The following SETBP1 variants were observed in gnomAD, a reference collection of about 807,000 sequenced individuals.
SETBP1 encodes SET binding protein 1, also known as SET-binding protein.
A neutral mutation model predicts 101.0 loss-of-function variants in SETBP1; 9 were observed. The ratio of observed to expected loss-of-function variants is 0.09; its 90% CI spans 0.05 to 0.16. The LOEUF is 0.16. SETBP1 is among the 10% of genes least tolerant of loss of function. The probability of loss-of-function intolerance (pLI) is 1.00; values close to 1 mark genes in which losing one functional copy is unlikely to be tolerated. For synonymous variants in SETBP1, 818 were observed against 788.5 expected (o/e 1.04, Z -0.63); for missense variants, 1,858 against 2,033.8 (o/e 0.91, Z 1.66).
At chr18:44,958,917 C>G (rs2071551415) in intron 4 of SETBP1, among the ~76,000 whole-genome samples, 1 of 152,030 alleles carries the variant, frequency 6.6e-6, no homozygotes, top group Non-Finnish European at 1.5e-5. Flanking sequence ...AAGTTTCCTC[C>G]TAAGGTTTCC....
chr18:45,041,949 T>C (rs900939327), intron 5 of SETBP1, among the ~76,000 whole-genome samples: 15 of 151,330 alleles, frequency 9.9e-5, no homozygotes, highest in African/African-American at 3.6e-4. Flanking sequence ...AAAGCGAAAC[T>C]CTATCTCAAA....
chr18:44,964,970 G>T (rs1471373660), intron 4 of SETBP1, among the ~76,000 whole-genome samples: 2 of 152,134 alleles, frequency 1.3e-5, no homozygotes, highest in African/African-American at 4.8e-5. Context: ...GAGGAATTGG[G>T]CGTGAAAATC....
At chr18:44,793,922 A>T (rs1209324947) in intron 2 of SETBP1, among the ~76,000 whole-genome samples, 1 of 152,224 alleles carries the variant, frequency 6.6e-6, no homozygotes, top group East Asian at 1.9e-4. Flanking sequence ...TTAGTTCATG[A>T]TATACTTACA....
At chr18:44,955,489 A>T (rs1195102257) in intron 4 of SETBP1, among the ~76,000 whole-genome samples, 1 of 152,076 alleles carries the variant, frequency 6.6e-6, no homozygotes, top group East Asian at 1.9e-4. Context: ...GTTGGGCCAG[A>T]CCTCTTGTGT....
In SETBP1 at chr18:44,953,302, G is replaced by T. The variant is rs149638556; in HGVS notation, c.3962G>T (p.Arg1321Leu). Residue 1321 changes from arginine (R) to leucine (L), a missense_variant, in exon 4 of 6, where the codon CGC (arginine) becomes CTC (leucine). Around this residue, in one of 12 missense-constraint regions of SETBP1, gnomAD observed 417 missense variants for 389.1 expected, o/e 1.07. Coordinates refer to ENST00000649279, the MANE Select transcript of SETBP1 (RefSeq NM_015559.3). ...GACATCCAAGCCTTCAAGATGAACC[G>T]CAAGGAGAGAAGTTCTTATGACTCC... is the stretch of plus-strand genomic sequence containing the variant. ...EKDIQAFKMN[R>L]KERSSYDSSM... 1.1e-5 allele frequency: 18 copies of T among 1,613,876 alleles called. No individual in the cohort carries two copies. Among genetic ancestry groups the T allele is most frequent in the East Asian group, 6.7e-5 (3 of 44,896 alleles).
chr18:44,955,331 T>C (rs1353796798), intron 4 of SETBP1, among the ~76,000 whole-genome samples: 3 of 152,058 alleles, frequency 2.0e-5, no homozygotes, highest in Non-Finnish European at 2.9e-5. Flanking sequence ...TGGGAAGAAA[T>C]AGGTGTCATG....
chr18:44,921,225 A>G (rs1388063944), intron 3 of SETBP1, among the ~76,000 whole-genome samples: 1 of 152,260 alleles, frequency 6.6e-6, no homozygotes, highest in East Asian at 1.9e-4. Context: ...CTACAGTGTA[A>G]TAAATGATGC....
chr18:45,012,318 C>T (rs1246048671), intron 4 of SETBP1, among the ~76,000 whole-genome samples: 1 of 151,998 alleles, frequency 6.6e-6, no homozygotes, highest in Non-Finnish European at 1.5e-5. Context: ...GGGATGGAAT[C>T]GGGGAGGCTG....
chr18:44,737,085 C>T (rs2069985875), intron 2 of SETBP1, among the ~76,000 whole-genome samples: 1 of 152,208 alleles, frequency 6.6e-6, no homozygotes, highest in Admixed American at 6.5e-5. Flanking sequence ...GGTCTAAAAG[C>T]TCAGGATGAG....
chr18:44,865,703 G>A (rs1346123378), intron 2 of SETBP1, among the ~76,000 whole-genome samples: 1 of 152,086 alleles, frequency 6.6e-6, no homozygotes, highest in Non-Finnish European at 1.5e-5. Flanking sequence ...TTTGGTTAGA[G>A]CGTGGTTAGA....
chr18:44,868,560 T>A (rs2069179817), intron 2 of SETBP1, among the ~76,000 whole-genome samples: 1 of 151,856 alleles, frequency 6.6e-6, no homozygotes, highest in Non-Finnish European at 1.5e-5. Flanking sequence ...CCGGGCATGG[T>A]GGCAGGCATC....
chr18:44,820,846 G>A (rs2072097254), intron 2 of SETBP1, among the ~76,000 whole-genome samples: 1 of 152,202 alleles, frequency 6.6e-6, no homozygotes, highest in South Asian at 2.1e-4. Context: ...AGTTCAAGGA[G>A]CTCACAATTT....
At chr18:44,711,057 ATATT>A (rs1204715153) in intron 2 of SETBP1, among the ~76,000 whole-genome samples, 1 of 152,164 alleles carries the variant, frequency 6.6e-6, no homozygotes, top group Non-Finnish European at 1.5e-5. Context: ...GCTGAATTAT[ATATT>A]AACTGGTGGA....
At chr18:45,017,451 C>T (rs1189132364) in intron 4 of SETBP1, among the ~76,000 whole-genome samples, 1 of 152,230 alleles carries the variant, frequency 6.6e-6, no homozygotes, top group African/African-American at 2.4e-5. Flanking sequence ...CTCCAAAGTC[C>T]TGTGCCCACT....
chr18:44,951,724 C>T lies in SETBP1; in HGVS notation c.2384C>T (p.Thr795Ile). 6.2e-7 allele frequency: 1 copy of T among 1,614,202 alleles called. No individual in the cohort carries two copies. ...GSNGNLSPAS[T>I]ETNFSELKTM... ...AATGGCAACCTGAGCCCTGCCAGCA[C>T]TGAAACCAATTTTTCAGAGTTGAAA... The change falls in exon 4 of 6, where the codon ACT becomes ATT. Residue 795 changes from threonine to isoleucine, a missense_variant. Thr to Ile is a moderately conservative substitution (Grantham distance 89). Around this residue, in one of 12 missense-constraint regions of SETBP1, gnomAD observed 121 missense variants for 138.0 expected, o/e 0.88. Coordinates refer to ENST00000649279, the MANE Select transcript of SETBP1 (RefSeq NM_015559.3). This position sits in a 1 kb window ranked among gnomAD's most constrained non-coding sequence, Gnocchi z 7.8.
chr18:44,743,739 C>T (rs2070153007), intron 2 of SETBP1, among the ~76,000 whole-genome samples: 1 of 152,154 alleles, frequency 6.6e-6, no homozygotes. Context: ...TGGTTTGATG[C>T]ACCTTTTGTT....
intron 4 of SETBP1, among the ~76,000 whole-genome samples, chr18:45,022,548 G>A (rs1417330857): frequency 1.3e-5 from 2 of 152,178 alleles, no homozygotes; most frequent in East Asian, 3.9e-4. Context: ...AGCATCTACA[G>A]GCCAGGCACG....
At chr18:44,714,364 A>G (rs956603646) in intron 2 of SETBP1, among the ~76,000 whole-genome samples, 11 of 151,956 alleles carry the variant, frequency 7.2e-5, no homozygotes, top group African/African-American at 2.7e-4. Context: ...ACACCGGGCT[A>G]ATTTATTTTG....
intron 2 of SETBP1, among the ~76,000 whole-genome samples, chr18:44,799,040 C>T (rs1168729685): frequency 1.3e-5 from 2 of 152,170 alleles, no homozygotes; most frequent in Non-Finnish European, 2.9e-5. Context: ...TGGACTTCAG[C>T]TGTATATTAA....
Sources: gnomAD v4.1 joint callset for allele counts (sites outside exome capture counted in the v4.1 genomes callset) on GRCh38, gnomAD v4.1.1 for gene constraint, gnomAD v4.1.1 regional missense constraint, Gnocchi (gnomAD v3.1) non-coding constraint, MANE v1.5 for transcripts, NCBI Gene and HGNC (gene_info 2026-07-23, HGNC 2026-07-21) for gene names.